The following STARD13 variants were observed in gnomAD, a reference collection of about 807,000 sequenced individuals.
STARD13 encodes the protein StAR related lipid transfer domain containing 13.
A neutral mutation model predicts 106.4 loss-of-function variants in STARD13; 62 were observed. That is an observed-to-expected ratio of 0.58 (90% CI 0.48 to 0.72). The LOEUF is 0.72. Ranked by LOEUF, STARD13 falls within the 30% of genes least tolerant of loss-of-function variation. STARD13 has a pLI of 0.00. For synonymous variants in STARD13, 565 were observed against 553.0 expected (o/e 1.02, Z -0.31); for missense variants, 1,387 against 1,424.0 (o/e 0.97, Z 0.42).
At chr13:33,538,257 C>T in the STARD13 span, among the ~76,000 whole-genome samples, 13 of 152,282 alleles carry the variant, frequency 8.5e-5, no homozygotes, top group African/African-American at 2.9e-4. Context: ...TCTTTTTCCC[C>T]TTACCTTATT....
At chr13:33,126,526 T>G (rs939127317) in intron 6 of STARD13, among the ~76,000 whole-genome samples, 3 of 152,146 alleles carry the variant, frequency 2.0e-5, no homozygotes, top group Admixed American at 6.5e-5. Context: ...TGTGATAGAC[T>G]TATTTCTCAA....
chr13:33,120,899 C>A (rs181106538), intron 7 of STARD13, among the ~76,000 whole-genome samples: 2 of 152,208 alleles, frequency 1.3e-5, no homozygotes, highest in Non-Finnish European at 1.5e-5. Context: ...GCCACCACTT[C>A]CAGCTACTTT....
chr13:33,527,899 C>G, the STARD13 span, among the ~76,000 whole-genome samples: 1 of 151,502 alleles, frequency 6.6e-6, no homozygotes, highest in Middle Eastern at 3.4e-3. Context: ...TATTTTAAAA[C>G]ATTTGGAATA....
At chr13:33,343,648 G>A (rs140953716), downstream of STARD13, among the ~76,000 whole-genome samples, 15 of 143,366 alleles carry the variant, frequency 1.0e-4, no homozygotes, top group African/African-American at 3.9e-4. Flanking sequence ...CAACCAACCT[G>A]TTATTGTCTC....
At chr13:33,448,695 T>C in the STARD13 span, among the ~76,000 whole-genome samples, 1 of 152,150 alleles carries the variant, frequency 6.6e-6, no homozygotes, top group South Asian at 2.1e-4. Flanking sequence ...TTTTCCATAA[T>C]GGCTGAACTA....
the STARD13 span, among the ~76,000 whole-genome samples, chr13:33,420,890 T>G: frequency 2.0e-5 from 3 of 152,190 alleles, no homozygotes; most frequent in African/African-American, 7.2e-5. Flanking sequence ...GAAATAAAGA[T>G]GTTCTTTGAA....
intron 1 of STARD13, chr13:33,186,062 T>C (rs1016408637): frequency 6.2e-7 from 1 of 1,611,288 alleles, no homozygotes; most frequent in African/African-American, 1.3e-5. Context: ...CAGATGATAG[T>C]CCTCTCTCAT....
At chr13:33,469,458 A>C in the STARD13 span, among the ~76,000 whole-genome samples, 1 of 152,196 alleles carries the variant, frequency 6.6e-6, no homozygotes, top group Non-Finnish European at 1.5e-5. Flanking sequence ...AGTCTAGTTT[A>C]CATGATATCC....
intron 1 of STARD13, among the ~76,000 whole-genome samples, chr13:33,295,783 A>G (rs997025308): frequency 3.9e-5 from 6 of 152,186 alleles, no homozygotes; most frequent in Non-Finnish European, 7.3e-5. Flanking sequence ...GCAGGTGCCT[A>G]GAGGGATGCA....
rs532052188 is a variant in STARD13, at chr13:33,252,669, T to A, written c.169+32801A>T. The stretch of plus-strand genomic sequence containing the variant: ...TTCACTTGAATTACGGAAGAATTGC[T>A]CGAAATCACACAATTGAAGACTGAT... On this transcript the variant is annotated intron_variant, in intron 1 of 13. Coordinates refer to ENST00000336934, the MANE Select transcript of STARD13 (RefSeq NM_178006.4). Among the ~76,000 whole-genome samples the A allele has an allele frequency of 2.0e-5, 3 of 152,342 alleles. No homozygotes were observed. In the South Asian group the frequency reaches 6.2e-4, roughly 32 times the overall value.
chr13:33,511,874 C>G, the STARD13 span, among the ~76,000 whole-genome samples: 4 of 152,212 alleles, frequency 2.6e-5, no homozygotes, highest in African/African-American at 9.6e-5. Flanking sequence ...ACACTAGCCC[C>G]ATGTAATAAA....
intron 1 of STARD13, among the ~76,000 whole-genome samples, chr13:33,325,983 TAAAAAA>T (rs59403273): frequency 0.023 from 2,235 of 96,188 alleles, 73 homozygotes; most frequent in African/African-American, 0.081. Flanking sequence ...AGACTCCGTT[TAAAAAA>T]AAAAAAAAAA....
chr13:33,278,424 C>T (rs1891569696), intron 1 of STARD13: 1 of 152,114 alleles, frequency 6.6e-6, no homozygotes, highest in South Asian at 2.1e-4. Context: ...TCGTTTTTAC[C>T]TACCCACCCA....
chr13:33,350,972 T>C (rs532442263), upstream of STARD13, among the ~76,000 whole-genome samples: 19 of 152,240 alleles, frequency 1.2e-4, no homozygotes, highest in Admixed American at 1.0e-3. Flanking sequence ...AAAATTTATA[T>C]ATGCCACAGT....
At chr13:33,605,516 G>A in the STARD13 span, among the ~76,000 whole-genome samples, 35 of 151,528 alleles carry the variant, frequency 2.3e-4, no homozygotes, top group African/African-American at 8.5e-4. Flanking sequence ...GCTGCAGTAG[G>A]GTAACAACAA....
the STARD13 span, among the ~76,000 whole-genome samples, chr13:33,385,345 G>T: frequency 6.9e-6 from 1 of 145,032 alleles, no homozygotes; most frequent in Non-Finnish European, 1.5e-5. Flanking sequence ...AAGGCAAAGT[G>T]CCTATTTGGT....
At chr13:33,297,605 T>TAAA (rs59944626) in intron 1 of STARD13, among the ~76,000 whole-genome samples, 2 of 145,052 alleles carry the variant, frequency 1.4e-5, no homozygotes, top group African/African-American at 2.5e-5. Flanking sequence ...TTTTGAAAAT[T>TAAA]AAAAAAAAAA....
chr13:33,568,098 AG>A, the STARD13 span, among the ~76,000 whole-genome samples: 3 of 148,266 alleles, frequency 2.0e-5, no homozygotes, highest in South Asian at 6.5e-4. Flanking sequence ...AGGAAATAAC[AG>A]GAAAATTAAG....
rs369597451 is a variant in STARD13 at position 33,182,411 on chromosome 13, G to A, written c.170-14789C>T. Among the ~76,000 whole-genome samples the A allele has an allele frequency of 3.7e-3, 567 of 152,234 alleles. 15 individuals carry two copies. In the South Asian group the frequency reaches 0.05, roughly 13 times the overall value. On this transcript the variant is annotated intron_variant, in intron 1 of 13. Coordinates refer to ENST00000336934, the MANE Select transcript of STARD13 (RefSeq NM_178006.4). ...CCCATATTCTCACTACACAACCCCA[G>A]CACCTGCTGAATTTGACTCAAATAT...
Sources: allele counts gnomAD v4.1 joint callset (sites outside exome capture counted in the v4.1 genomes callset), GRCh38; gene constraint gnomAD v4.1.1; transcripts MANE v1.5; gene names NCBI Gene and HGNC (gene_info 2026-07-23, HGNC 2026-07-21).